The following MME variants were observed in gnomAD, a reference collection of about 807,000 sequenced individuals.
The protein encoded by MME is neprilysin.
MME carries 98 observed loss-of-function variants against 113.2 expected under a neutral mutation model. The observed-to-expected ratio is 0.87, with a 90% CI of 0.74 to 1.02. MME has a LOEUF of 1.02. MME is among the 50% of genes least tolerant of loss of function. The probability of loss-of-function intolerance (pLI) is 0.00; values close to 1 mark genes in which losing one functional copy is unlikely to be tolerated. For missense variants in MME, 836 were observed against 896.0 expected (o/e 0.93, Z 0.86); for synonymous variants, 292 against 300.6 (o/e 0.97, Z 0.30).
intron 1 of MME, among the ~76,000 whole-genome samples, chr3:155,054,637 C>T (rs765171142): frequency 4.6e-5 from 7 of 152,050 alleles, no homozygotes; most frequent in Admixed American, 6.6e-5. Context: ...GAGGTCATGG[C>T]GAAATCCTGT....
chr3:155,127,024 A>AT (rs1219672477), intron 8 of MME, among the ~76,000 whole-genome samples: 5 of 151,800 alleles, frequency 3.3e-5, no homozygotes, highest in African/African-American at 1.2e-4. Context: ...AAAAAAAAAA[A>AT]AGAAAGGGCA....
At chr3:155,067,216 A>C (rs560078491) in intron 1 of MME, among the ~76,000 whole-genome samples, 54 of 150,920 alleles carry the variant, frequency 3.6e-4, no homozygotes, top group African/African-American at 1.3e-3. Flanking sequence ...AAAAAAAAAA[A>C]AACACCTCTC....
intron 3 of MME, among the ~76,000 whole-genome samples, chr3:155,092,564 T>C (rs1716386271): frequency 6.6e-6 from 1 of 152,226 alleles, no homozygotes; most frequent in African/African-American, 2.4e-5. Context: ...TAATGCTGTT[T>C]TTATAAATAA....
At chr3:155,049,627 A>ATATCTATC (rs56832533) in intron 1 of MME, among the ~76,000 whole-genome samples, 63 of 147,196 alleles carry the variant, frequency 4.3e-4, no homozygotes, top group African/African-American at 1.0e-3. Context: ...TCATCTTAGT[A>ATATCTATC]TATCTATCTA....
At chr3:155,034,630 A>T (rs1428718435) in intron 1 of MME, among the ~76,000 whole-genome samples, 1 of 152,182 alleles carries the variant, frequency 6.6e-6, no homozygotes, top group Non-Finnish European at 1.5e-5. Context: ...TTTATAAAGC[A>T]CAAATGAAGG....
intron 3 of MME, among the ~76,000 whole-genome samples, chr3:155,109,745 G>A (rs1410389008): frequency 6.6e-6 from 1 of 152,156 alleles, no homozygotes; most frequent in African/African-American, 2.4e-5. Flanking sequence ...TAGAATTCTG[G>A]GCATCCGTGT....
intron 1 of MME, among the ~76,000 whole-genome samples, chr3:155,026,346 T>C (rs1045339709): frequency 7.2e-5 from 11 of 152,198 alleles, no homozygotes; most frequent in Non-Finnish European, 1.6e-4. Flanking sequence ...ATCCCACTTC[T>C]ACCACTGAAT....
At chr3:155,133,062 A>AAAAAAATATATATATATATATATAT (rs1553762419) in intron 8 of MME, among the ~76,000 whole-genome samples, 19 of 75,038 alleles carry the variant, frequency 2.5e-4, no homozygotes, top group African/African-American at 1.1e-3. Flanking sequence ...AAAAAAAAAA[A>AAAAAAATATATATATATATATATAT]ATATATATAT....
At chr3:155,168,402 C>A in intron 18 of MME, 90 bp from the exon 19 acceptor site, 2 of 1,083,892 alleles carry the variant, frequency 1.8e-6, no homozygotes, top group Non-Finnish European at 2.8e-6. Context: ...TGTCACACAG[C>A]AGTATTTCAG....
chr3:155,093,545 T>C (rs1207046081), intron 3 of MME, among the ~76,000 whole-genome samples: 1 of 152,108 alleles, frequency 6.6e-6, no homozygotes, highest in African/African-American at 2.4e-5. Context: ...TGTTTTCCTT[T>C]TCACCTTAAC....
chr3:155,045,003 TTTC>T (rs1713502807), intron 1 of MME, among the ~76,000 whole-genome samples: 1 of 152,078 alleles, frequency 6.6e-6, no homozygotes, highest in South Asian at 2.1e-4. Flanking sequence ...GTTGAAAGCT[TTTC>T]TTCTTTCTCT....
chr3:155,148,438 C>T, intron 15 of MME, 112 bp from the exon 16 acceptor site: 1 of 711,538 alleles, frequency 1.4e-6, no homozygotes, highest in Non-Finnish European at 2.4e-6. Flanking sequence ...TTTTTTAATG[C>T]TCTCTTTTAA....
At chr3:155,131,714 G>A (rs1056437048) in intron 8 of MME, among the ~76,000 whole-genome samples, 9 of 152,094 alleles carry the variant, frequency 5.9e-5, no homozygotes, top group African/African-American at 2.2e-4. Flanking sequence ...TAGGTCCCAC[G>A]TTCCTCCTGC....
In MME at chr3:155,142,339, A is replaced by G; in HGVS notation, c.1188+9A>G. On this transcript the variant is annotated intron_variant, in intron 12 of 22. Coordinates refer to ENST00000360490, the MANE Select transcript of MME (RefSeq NM_007289.4). ...GAAATGCTTTCCGCAAGGTGAAGAA[A>G]AAATCTCTCTTTTCTTAAGACTTAA... is the stretch of plus-strand genomic sequence containing the variant. 6.2e-7 allele frequency: 1 copy of G among 1,606,170 alleles called. No homozygotes were observed. Among genetic ancestry groups the G allele is most frequent in the Non-Finnish European group, 8.5e-7 (1 of 1,172,906 alleles).
At chr3:155,049,383 G>A (rs1559892255) in intron 1 of MME, among the ~76,000 whole-genome samples, 2 of 152,104 alleles carry the variant, frequency 1.3e-5, no homozygotes, top group Non-Finnish European at 2.9e-5. Flanking sequence ...ACATCCACGA[G>A]CCAAAGAATG....
chr3:155,103,311 A>G (rs1184347853), intron 3 of MME, among the ~76,000 whole-genome samples: 2 of 152,242 alleles, frequency 1.3e-5, no homozygotes, highest in Non-Finnish European at 2.9e-5. Context: ...ATGCAAGGTG[A>G]CTTGTAAGCA....
At chr3:155,098,475 G>C (rs1716928069) in intron 3 of MME, among the ~76,000 whole-genome samples, 1 of 151,860 alleles carries the variant, frequency 6.6e-6, no homozygotes, top group South Asian at 2.1e-4. Context: ...AGTATCACTT[G>C]AACCCAGGAG....
intron 3 of MME, among the ~76,000 whole-genome samples, chr3:155,093,378 A>T (rs1319373131): frequency 1.3e-5 from 2 of 152,012 alleles, no homozygotes; most frequent in East Asian, 3.9e-4. Flanking sequence ...TCCTGTTTTC[A>T]CCCCCTGGGG....
chr3:155,056,805 G>C (rs1466179560), intron 1 of MME, among the ~76,000 whole-genome samples: 3 of 152,072 alleles, frequency 2.0e-5, no homozygotes, highest in Non-Finnish European at 4.4e-5. Flanking sequence ...CAGTGTAAAA[G>C]TCTGATCTTT....
Sources: gnomAD v4.1 joint callset for allele counts (sites outside exome capture counted in the v4.1 genomes callset) on GRCh38, gnomAD v4.1.1 for gene constraint, MANE v1.5 for transcripts, NCBI Gene and HGNC (gene_info 2026-07-23, HGNC 2026-07-21) for gene names.